The following BABAM2 variants were observed in gnomAD, a reference collection of about 807,000 sequenced individuals.
BABAM2 encodes BRISC and BRCA1 A complex member 2, also known as BRISC and BRCA1-A complex member 2.
A neutral mutation model predicts 54.7 loss-of-function variants in BABAM2; 31 were observed. The ratio of observed to expected loss-of-function variants is 0.57; its 90% CI spans 0.43 to 0.77. The LOEUF is 0.77. Ranked by LOEUF, BABAM2 falls within the 30% of genes least tolerant of loss-of-function variation. The pLI is 0.00. For synonymous variants in BABAM2, 167 were observed against 162.9 expected (o/e 1.03, Z -0.19); for missense variants, 364 against 455.8 (o/e 0.80, Z 1.83).
chr2:28,288,699 C>T (rs1204382078), intron 10 of BABAM2, among the ~76,000 whole-genome samples: 1 of 152,144 alleles, frequency 6.6e-6, no homozygotes, highest in Non-Finnish European at 1.5e-5. Flanking sequence ...GAATCTTTTC[C>T]TTTCTATGAG....
intron 7 of BABAM2, among the ~76,000 whole-genome samples, chr2:28,141,980 G>C (rs1179338260): frequency 6.6e-6 from 1 of 152,128 alleles, no homozygotes; most frequent in Non-Finnish European, 1.5e-5. Flanking sequence ...TATGGTTCTT[G>C]ATTACAAGTT....
chr2:28,271,545 G>A (rs906749615), intron 10 of BABAM2, among the ~76,000 whole-genome samples: 1 of 152,162 alleles, frequency 6.6e-6, no homozygotes, highest in Non-Finnish European at 1.5e-5. Context: ...ACATTGTAAA[G>A]GAAACAACCC....
At chr2:28,013,001 T>C (rs1387723442) in intron 4 of BABAM2, among the ~76,000 whole-genome samples, 2 of 152,168 alleles carry the variant, frequency 1.3e-5, no homozygotes, top group Admixed American at 6.5e-5. Context: ...AGAGACTCAT[T>C]TGAAGTGGAA....
chr2:28,093,231 G>T (rs1666312999), intron 6 of BABAM2, among the ~76,000 whole-genome samples: 1 of 152,082 alleles, frequency 6.6e-6, no homozygotes, highest in South Asian at 2.1e-4. Context: ...GGACAGATTT[G>T]TACTGTTTTG....
intron 6 of BABAM2, among the ~76,000 whole-genome samples, chr2:28,114,706 G>A (rs939899474): frequency 7.2e-5 from 11 of 152,152 alleles, no homozygotes; most frequent in African/African-American, 2.7e-4. Context: ...TCCGATTATG[G>A]TTAGACATGG....
chr2:27,936,419 A>G (rs1668488826), intron 3 of BABAM2, among the ~76,000 whole-genome samples: 1 of 152,130 alleles, frequency 6.6e-6, no homozygotes, highest in South Asian at 2.1e-4. Flanking sequence ...AACTAGAAAT[A>G]CCATTTGACC....
At chr2:28,246,170 A>AGG (rs1362699251) in intron 10 of BABAM2, among the ~76,000 whole-genome samples, 1 of 152,148 alleles carries the variant, frequency 6.6e-6, no homozygotes, top group Admixed American at 6.5e-5. Flanking sequence ...GTAAGGAGGA[A>AGG]GCCCCACAAT....
At chr2:27,956,297 AATTTATGTCAG>A (rs1393262733) in intron 3 of BABAM2, among the ~76,000 whole-genome samples, 2 of 152,120 alleles carry the variant, frequency 1.3e-5, no homozygotes, top group African/African-American at 4.8e-5. Flanking sequence ...TTGAAGGCCA[AATTTATGTCAG>A]ATTTATGGGT....
At chr2:28,156,427 C>A (rs919089417) in intron 7 of BABAM2, among the ~76,000 whole-genome samples, 2 of 152,074 alleles carry the variant, frequency 1.3e-5, no homozygotes, top group African/African-American at 4.8e-5. Context: ...TATTTCTATA[C>A]CCACTGCTGA....
chr2:28,028,423 G>T (rs1047224337), intron 5 of BABAM2, among the ~76,000 whole-genome samples: 1 of 130,232 alleles, frequency 7.7e-6, no homozygotes, highest in Non-Finnish European at 1.6e-5. Context: ...CCACCCACAC[G>T]CAGAATTACA....
chr2:27,902,205 T>TTTAC (rs1269799892), intron 2 of BABAM2, among the ~76,000 whole-genome samples: 1 of 152,204 alleles, frequency 6.6e-6, no homozygotes, highest in African/African-American at 2.4e-5. Flanking sequence ...ACTGAGTGTA[T>TTTAC]TTACCCATTA....
intron 6 of BABAM2, among the ~76,000 whole-genome samples, chr2:28,049,241 A>C (rs1677822486): frequency 6.6e-6 from 1 of 152,242 alleles, no homozygotes; most frequent in South Asian, 2.1e-4. Flanking sequence ...TCATACAAAA[A>C]TATGGAGGCA....
intron 1 of BABAM2, among the ~76,000 whole-genome samples, chr2:27,891,516 T>C (rs1318250999): frequency 1.3e-5 from 2 of 152,178 alleles, no homozygotes; most frequent in Non-Finnish European, 2.9e-5. Context: ...GCAGTAGTAG[T>C]ATTCAGGGGA....
intron 6 of BABAM2, among the ~76,000 whole-genome samples, chr2:28,116,642 G>A (rs984737684): frequency 5.3e-5 from 8 of 152,214 alleles, no homozygotes; most frequent in Non-Finnish European, 1.0e-4. Context: ...GCAACCTGGA[G>A]AGGAGAGGAC....
chr2:27,945,016 A>G (rs2148393067), intron 3 of BABAM2, among the ~76,000 whole-genome samples: 1 of 149,560 alleles, frequency 6.7e-6, no homozygotes, highest in South Asian at 2.1e-4. Context: ...TTTTTTAAAG[A>G]CAGGGTCTCA....
chr2:27,952,495 A>G (rs1345771290), intron 3 of BABAM2, among the ~76,000 whole-genome samples: 1 of 152,226 alleles, frequency 6.6e-6, no homozygotes, highest in Non-Finnish European at 1.5e-5. Context: ...GCCTGGCCTC[A>G]TAATGAAGGG....
At chr2:28,333,756 C>T (rs1691169638) in intron 11 of BABAM2, among the ~76,000 whole-genome samples, 2 of 152,236 alleles carry the variant, frequency 1.3e-5, no homozygotes, top group South Asian at 4.1e-4. Flanking sequence ...GGGCCCTCTC[C>T]TGTGGGCCCC....
At chr2:28,243,120 T>C (rs1167868725) in intron 9 of BABAM2, among the ~76,000 whole-genome samples, 1 of 152,330 alleles carries the variant, frequency 6.6e-6, no homozygotes, top group East Asian at 1.9e-4. Context: ...TTTGTGTACA[T>C]TTTATTATGC....
Position 28,040,294 on chromosome 2 carries a change from C to CTTTTTTTTTTTTTTTTTTTTTTTTTTTT in BABAM2, c.496-5407_496-5406insTTTTTTTTTTTTTTTTTTTTTTTTTTTT, listed in dbSNP as rs397735161. ...CAGTGCCAGAATGAAAAACTGAATT[C>CTTTTTTTTTTTTTTTTTTTTTTTTTTTT]TTTTTTTTTTTTTTTTTTTTTTTTG... On this transcript the variant is annotated intron_variant, in intron 5 of 11. Transcript: ENST00000379624. Among the ~76,000 whole-genome samples the CTTTTTTTTTTTTTTTTTTTTTTTTTTTT allele has an allele frequency of 2.5e-4, 15 of 59,494 alleles. 2 individuals are homozygous for CTTTTTTTTTTTTTTTTTTTTTTTTTTTT. Among genetic ancestry groups the CTTTTTTTTTTTTTTTTTTTTTTTTTTTT allele is most frequent in the African/African-American group, 4.7e-4 (7 of 14,874 alleles). 39.0% of individuals were successfully genotyped at this position (59,494 alleles called of 152,430 possible).
Sources: allele counts gnomAD v4.1 joint callset (sites outside exome capture counted in the v4.1 genomes callset), GRCh38; gene constraint gnomAD v4.1.1; transcripts MANE v1.5; gene names NCBI Gene and HGNC (gene_info 2026-07-23, HGNC 2026-07-21).